CSMD1: variants seen among roughly 807,000 people sequenced by gnomAD.
The protein encoded by CSMD1 is CUB and Sushi multiple domains 1, also known as CUB and sushi domain-containing protein 1.
A neutral mutation model predicts 417.5 loss-of-function variants in CSMD1; 213 were observed. The observed-to-expected ratio is 0.51, with a 90% CI of 0.46 to 0.57. The LOEUF is 0.57. Ranked by LOEUF, CSMD1 falls within the 20% of genes least tolerant of loss-of-function variation. The pLI, the probability that CSMD1 is intolerant of heterozygous loss-of-function variation, is 0.00. For missense variants in CSMD1, 6,923 were observed against 4,529.7 expected (o/e 1.53, Z -15.17); for synonymous variants, 2,862 against 1,736.8 (o/e 1.65, Z -16.11).
intron 22 of CSMD1, among the ~76,000 whole-genome samples, chr8:3,347,445 C>T (rs2117634903): frequency 6.6e-6 from 1 of 152,316 alleles, no homozygotes; most frequent in South Asian, 2.1e-4. Flanking sequence ...CCTGGCTTGG[C>T]TTCTCCTCAT....
Position 4,130,854 on chromosome 8 carries a change from TTTAAC to T in CSMD1, c.416-98760_416-98756del, listed in dbSNP as rs200866526. Among the ~76,000 whole-genome samples the T allele has an allele frequency of 7.6e-4, 115 of 151,474 alleles. 2 individuals carry two copies. The East Asian group carries it at 0.021, about 28-fold the overall frequency. ...TATGTGCTATATTATATATATATTA[TTTAAC>T]TTAGAAAGAGTGTTCATATGCTGAG... On this transcript the variant is annotated intron_variant, in intron 3 of 69. Coordinates refer to ENST00000635120, the MANE Select transcript of CSMD1 (RefSeq NM_033225.6).
chr8:3,904,216 G>A (rs1453961886), intron 5 of CSMD1, among the ~76,000 whole-genome samples: 3 of 152,106 alleles, frequency 2.0e-5, no homozygotes, highest in Non-Finnish European at 4.4e-5. Flanking sequence ...AGTAACTTAT[G>A]GATATCAGGA....
chr8:4,746,624 G>A (rs1032841648), intron 1 of CSMD1, among the ~76,000 whole-genome samples: 1 of 152,278 alleles, frequency 6.6e-6, no homozygotes, highest in South Asian at 2.1e-4. Flanking sequence ...AGCTGGGTAG[G>A]ATAATTATAC....
chr8:3,200,202 GA>G (rs575409781), intron 32 of CSMD1, among the ~76,000 whole-genome samples: 294 of 152,020 alleles, frequency 1.9e-3, no homozygotes, highest in African/African-American at 6.4e-3. Context: ...ATCCAAAGAT[GA>G]TTTTTTTTAA....
At chr8:4,330,114 T>C (rs368365571) in intron 3 of CSMD1, among the ~76,000 whole-genome samples, 2 of 151,580 alleles carry the variant, frequency 1.3e-5, no homozygotes, top group African/African-American at 2.4e-5. Context: ...ATAGTCAGCA[T>C]TTGACTACAT....
intron 3 of CSMD1, among the ~76,000 whole-genome samples, chr8:4,357,794 AGAG>A (rs975934604): frequency 2.0e-5 from 3 of 152,302 alleles, no homozygotes; most frequent in South Asian, 4.1e-4. Flanking sequence ...ATGGGGAGAC[AGAG>A]GAGGAGAAAT....
At chr8:4,354,665 T>C (rs1340572088) in intron 3 of CSMD1, among the ~76,000 whole-genome samples, 2 of 151,966 alleles carry the variant, frequency 1.3e-5, no homozygotes, top group African/African-American at 4.8e-5. Flanking sequence ...ATGCAGAATT[T>C]AAAATTTTTG....
At chr8:3,812,118 G>A (rs949430745) in intron 5 of CSMD1, among the ~76,000 whole-genome samples, 3 of 151,968 alleles carry the variant, frequency 2.0e-5, no homozygotes, top group Admixed American at 1.3e-4. Flanking sequence ...TTCCTTAAAC[G>A]GGTGTCCATA....
chr8:3,544,787 T>C (rs1264850505), intron 10 of CSMD1, among the ~76,000 whole-genome samples: 1 of 152,064 alleles, frequency 6.6e-6, no homozygotes, highest in African/African-American at 2.4e-5. Flanking sequence ...TTGTTTGCTT[T>C]TCTCTAATGA....
At chr8:3,847,552 G>C (rs752714510) in intron 5 of CSMD1, among the ~76,000 whole-genome samples, 1 of 152,148 alleles carries the variant, frequency 6.6e-6, no homozygotes, top group African/African-American at 2.4e-5. Context: ...GACTGAAGGA[G>C]TCCTTGACTG....
At chr8:3,494,761 AG>A (rs1231309745) in intron 10 of CSMD1, among the ~76,000 whole-genome samples, 1 of 152,232 alleles carries the variant, frequency 6.6e-6, no homozygotes, top group African/African-American at 2.4e-5. Context: ...GGAAGAGAGA[AG>A]GGACAGGAGG....
intron 2 of CSMD1, among the ~76,000 whole-genome samples, chr8:4,472,819 T>G (rs921015262): frequency 6.6e-6 from 1 of 152,024 alleles, no homozygotes; most frequent in Non-Finnish European, 1.5e-5. Flanking sequence ...TTAAAAAATT[T>G]GGTATATATA....
At chr8:3,785,521 G>C (rs1055844601) in intron 5 of CSMD1, among the ~76,000 whole-genome samples, 3 of 152,192 alleles carry the variant, frequency 2.0e-5, no homozygotes, top group East Asian at 1.9e-4. Context: ...CAAACACCTA[G>C]GTGTACTTCC....
At chr8:4,922,096 T>C (rs1256181324) in intron 1 of CSMD1, among the ~76,000 whole-genome samples, 6 of 152,174 alleles carry the variant, frequency 3.9e-5, no homozygotes, top group Admixed American at 3.9e-4. Flanking sequence ...GTAATCATGA[T>C]CCAGGAAGTC....
chr8:4,628,263 A>C lies in CSMD1; in HGVS notation c.302+9079T>G, dbSNP rs559272030. 2.4e-3 allele frequency among the ~76,000 whole-genome samples: 359 copies of C among 151,464 alleles called. 3 individuals carry two copies. Among genetic ancestry groups the C allele is most frequent in the African/African-American group, 8.2e-3 (338 of 41,358 alleles). On this transcript the variant is annotated intron_variant, in intron 2 of 69. Transcript: ENST00000635120. The stretch of plus-strand genomic sequence containing the variant: ...GAAGGAAACTAATTCTTGGTCTTTC[A>C]TACCTCTTGTAAATATTTTAACTTA...
chr8:4,123,346 G>A (rs1445276774), intron 3 of CSMD1, among the ~76,000 whole-genome samples: 2 of 152,162 alleles, frequency 1.3e-5, no homozygotes, highest in African/African-American at 4.8e-5. Flanking sequence ...TAGGCTCAGT[G>A]GGAGCCTCAC....
At chr8:3,347,898 T>C in intron 22 of CSMD1, 94 bp downstream of exon 22, 2 of 711,922 alleles carry the variant, frequency 2.8e-6, no homozygotes, top group Non-Finnish European at 4.4e-6. Context: ...TATATGTTAA[T>C]ATGTGCATAT....
intron 36 of CSMD1, among the ~76,000 whole-genome samples, chr8:3,186,427 T>A (rs778301604): frequency 6.6e-6 from 1 of 152,182 alleles, no homozygotes; most frequent in Non-Finnish European, 1.5e-5. Context: ...AAACATGGAT[T>A]GTGAATGACA....
intron 5 of CSMD1, among the ~76,000 whole-genome samples, chr8:3,935,839 A>G (rs1810457551): frequency 6.6e-6 from 1 of 152,114 alleles, no homozygotes; most frequent in African/African-American, 2.4e-5. Context: ...TGTCTCTATC[A>G]CTTTAAATCA....
Sources: gnomAD v4.1 joint callset for allele counts (sites outside exome capture counted in the v4.1 genomes callset) on GRCh38, gnomAD v4.1.1 for gene constraint, MANE v1.5 for transcripts, NCBI Gene and HGNC (gene_info 2026-07-23, HGNC 2026-07-21) for gene names.